RPS6KC1: variants seen among roughly 807,000 people sequenced by gnomAD.
RPS6KC1 encodes inactive ribosomal protein S6 kinase delta-1.
RPS6KC1 carries 54 observed loss-of-function variants against 103.8 expected under a neutral mutation model. The ratio of observed to expected loss-of-function variants is 0.52; its 90% CI spans 0.42 to 0.65. RPS6KC1 has a LOEUF of 0.65. RPS6KC1 is among the 30% of genes least tolerant of loss of function. RPS6KC1 has a pLI of 0.00. For missense variants in RPS6KC1, 1,151 were observed against 1,253.8 expected (o/e 0.92, Z 1.24); for synonymous variants, 439 against 438.7 (o/e 1.00, Z -0.01).
the RPS6KC1 span, among the ~76,000 whole-genome samples, chr1:213,479,451 G>A: frequency 1.1e-4 from 17 of 152,020 alleles, no homozygotes; most frequent in East Asian, 7.7e-4. Flanking sequence ...TTGTGTTTTC[G>A]TTTGTTTTTC....
the RPS6KC1 span, among the ~76,000 whole-genome samples, chr1:213,655,152 C>T: frequency 6.6e-5 from 10 of 152,196 alleles, no homozygotes; most frequent in African/African-American, 7.2e-5. Flanking sequence ...AAGTGATTTT[C>T]GTGCCTCAGC....
the RPS6KC1 span, among the ~76,000 whole-genome samples, chr1:213,828,007 C>T: frequency 6.6e-6 from 1 of 152,208 alleles, no homozygotes; most frequent in Non-Finnish European, 1.5e-5. Flanking sequence ...CTTTCTCTCT[C>T]TACCTGCTGT....
At chr1:213,524,261 T>G in the RPS6KC1 span, among the ~76,000 whole-genome samples, 22 of 152,006 alleles carry the variant, frequency 1.4e-4, no homozygotes, top group African/African-American at 2.9e-4. Context: ...AATAGTATTG[T>G]GCATCTTCTT....
At position 213,112,843 on chromosome 1, in the gene RPS6KC1, C is replaced by G. The variant is rs1204723240; in HGVS notation, c.379-4474C>G. Among the ~76,000 whole-genome samples, 8 of 152,130 alleles carry G rather than the reference C, an allele frequency of 5.3e-5. No individual in the cohort carries two copies. In the East Asian group the frequency reaches 1.5e-3, roughly 29 times the overall value. ...GGTTTTTTGTTCTTGCTATAGTTTA[C>G]TGAGAATGATGATTTCCAGTTTCAT... On this transcript the variant is annotated intron_variant, in intron 4 of 14. Transcript: ENST00000366960.
chr1:213,057,697 C>T (rs964646557), intron 1 of RPS6KC1, among the ~76,000 whole-genome samples: 4 of 140,754 alleles, frequency 2.8e-5, no homozygotes, highest in African/African-American at 7.6e-5. Context: ...TTTGATATGA[C>T]ATTTGTAAAT....
At chr1:213,496,309 G>T in the RPS6KC1 span, among the ~76,000 whole-genome samples, 4 of 152,152 alleles carry the variant, frequency 2.6e-5, no homozygotes, top group Non-Finnish European at 4.4e-5. Flanking sequence ...AAAACAAAAT[G>T]TGCTTTGCAA....
At chr1:213,124,093 G>A (rs1183446767) in intron 5 of RPS6KC1, among the ~76,000 whole-genome samples, 1 of 152,116 alleles carries the variant, frequency 6.6e-6, no homozygotes, top group African/African-American at 2.4e-5. Context: ...CTAAATAAAC[G>A]CCTATGTCTG....
chr1:213,848,831 G>T, the RPS6KC1 span, among the ~76,000 whole-genome samples: 1 of 152,102 alleles, frequency 6.6e-6, no homozygotes, highest in South Asian at 2.1e-4. Context: ...AGGGAAGAAG[G>T]TCTTAATTGT....
At chr1:213,302,062 A>G in the RPS6KC1 span, among the ~76,000 whole-genome samples, 2 of 152,200 alleles carry the variant, frequency 1.3e-5, no homozygotes, top group Non-Finnish European at 2.9e-5. Flanking sequence ...AAATAAAAAT[A>G]TAAGAATATG....
At chr1:213,586,998 C>T in the RPS6KC1 span, among the ~76,000 whole-genome samples, 1 of 152,342 alleles carries the variant, frequency 6.6e-6, no homozygotes, top group South Asian at 2.1e-4. Context: ...TCGGGGGTGA[C>T]TCACTTCCAA....
intron 13 of RPS6KC1, 42 bp downstream of exon 13, chr1:213,261,682 T>C: frequency 2.7e-6 from 4 of 1,503,262 alleles, no homozygotes; most frequent in South Asian, 2.3e-5. Context: ...ACTCAGATGC[T>C]ACCTTGATTT....
chr1:213,161,395 A>G (rs2090461061), intron 6 of RPS6KC1, among the ~76,000 whole-genome samples: 1 of 151,834 alleles, frequency 6.6e-6, no homozygotes, highest in Admixed American at 6.6e-5. Context: ...ATCTTGGCTT[A>G]CTGCAGCTTC....
At chr1:213,641,325 G>A in the RPS6KC1 span, among the ~76,000 whole-genome samples, 1 of 151,936 alleles carries the variant, frequency 6.6e-6, no homozygotes, top group Non-Finnish European at 1.5e-5. Context: ...AGTAATTTTG[G>A]ATTGTATTTG....
Position 213,063,064 on chromosome 1 carries a change from T to TA in RPS6KC1, c.106-7941dup, listed in dbSNP as rs533847626. 1.8e-4 allele frequency among the ~76,000 whole-genome samples: 27 copies of TA among 152,344 alleles called. No homozygotes were observed. The East Asian group carries it at 4.8e-3, about 27-fold the overall frequency. On this transcript the variant is annotated intron_variant, in intron 1 of 14. Transcript: ENST00000366960. ...TGACTTTGGGTCTTTTCTTTGTTTT[T>TA]ACTTTGTTTTAGTACTGAGCTGGCA...
chr1:213,151,558 C>T lies in RPS6KC1; in HGVS notation c.836-16300C>T, dbSNP rs1236237709. Among the ~76,000 whole-genome samples the T allele has an allele frequency of 5.9e-5, 5 of 84,110 alleles. 1 individual carries two copies. Among genetic ancestry groups the T allele is most frequent in the African/African-American group, 2.4e-4 (4 of 16,588 alleles). 55.2% of individuals were successfully genotyped at this position (84,110 alleles called of 152,430 possible). A position where few individuals can be genotyped will look rare whatever the true frequency, so the allele number is the denominator to read the frequency against. On this transcript the variant is annotated intron_variant, in intron 6 of 14. Transcript: ENST00000366960. The stretch of plus-strand genomic sequence containing the variant: ...CCCAGTAGGGGCGGCTGGGCAGAGG[C>T]GCCCCTCACCTCCCGGATGGGGCGG...
chr1:213,115,369 A>T (rs2083470058), intron 4 of RPS6KC1, among the ~76,000 whole-genome samples: 1 of 151,874 alleles, frequency 6.6e-6, no homozygotes, highest in Non-Finnish European at 1.5e-5. Flanking sequence ...CTCTGATGGT[A>T]GTTTGTATTT....
chr1:213,609,548 A>T, the RPS6KC1 span, among the ~76,000 whole-genome samples: 1 of 152,104 alleles, frequency 6.6e-6, no homozygotes, highest in Admixed American at 6.5e-5. Flanking sequence ...GGCTGGAAAG[A>T]GGCTTGTGCA....
At chr1:213,726,443 T>TG in the RPS6KC1 span, among the ~76,000 whole-genome samples, 3 of 152,206 alleles carry the variant, frequency 2.0e-5, no homozygotes, top group East Asian at 5.8e-4. Flanking sequence ...TATCTCCCTT[T>TG]GGATGTTATG....
At chr1:213,661,998 A>G in the RPS6KC1 span, among the ~76,000 whole-genome samples, 6 of 152,296 alleles carry the variant, frequency 3.9e-5, no homozygotes, top group South Asian at 1.2e-3. Context: ...ATGTGGCTGG[A>G]ACTGGACTGA....
Sources: allele counts gnomAD v4.1 joint callset (sites outside exome capture counted in the v4.1 genomes callset), GRCh38; gene constraint gnomAD v4.1.1; transcripts MANE v1.5; gene names NCBI Gene and HGNC (gene_info 2026-07-23, HGNC 2026-07-21).